DCHS2: variants seen among roughly 807,000 people sequenced by gnomAD.
DCHS2 encodes protocadherin-23.
A neutral mutation model predicts 182.4 loss-of-function variants in DCHS2; 142 were observed. The ratio of observed to expected loss-of-function variants is 0.78; its 90% CI spans 0.68 to 0.89. The LOEUF is 0.89. Among genes scored for constraint, DCHS2 ranks in the 40% least tolerant of loss-of-function variants. DCHS2 has a pLI of 0.00. For missense variants in DCHS2, 4,319 were observed against 4,198.6 expected, an observed-to-expected ratio of 1.03 and a Z score of -0.79; for synonymous variants, 1,740 against 1,663.3, an observed-to-expected ratio of 1.05 and a Z score of -1.12.
intron 3 of DCHS2, among the ~76,000 whole-genome samples, chr4:154,362,293 A>C (rs2110759018): frequency 6.6e-6 from 1 of 152,318 alleles, no homozygotes; most frequent in South Asian, 2.1e-4. Context: ...GGGATAGGCC[A>C]TAGAGTCACT....
intron 1 of DCHS2, among the ~76,000 whole-genome samples, chr4:154,483,039 T>C (rs918286974): frequency 3.9e-5 from 6 of 152,224 alleles, no homozygotes; most frequent in African/African-American, 1.4e-4. Flanking sequence ...AATTCTACTC[T>C]AAGTAGACTC....
chr4:154,328,926 C>T (rs1449258487), intron 6 of DCHS2, among the ~76,000 whole-genome samples: 1 of 151,968 alleles, frequency 6.6e-6, no homozygotes, highest in Non-Finnish European at 1.5e-5. Flanking sequence ...ATAACCCATC[C>T]ACTAAAAAAA....
intron 13 of DCHS2, among the ~76,000 whole-genome samples, chr4:154,296,944 C>T (rs1345711425): frequency 2.0e-5 from 3 of 152,124 alleles, no homozygotes; most frequent in African/African-American, 7.2e-5. Context: ...AAGGCTATTC[C>T]AACACTGGTA....
intron 15 of DCHS2, 67 bp from the exon 16 acceptor site, chr4:154,255,737 G>A: frequency 1.3e-6 from 2 of 1,487,708 alleles, no homozygotes; most frequent in Non-Finnish European, 1.8e-6. Context: ...CTGTTTTTCA[G>A]AGACATGCAT....
At chr4:154,311,991 T>C (rs1438956893) in intron 10 of DCHS2, among the ~76,000 whole-genome samples, 3 of 151,780 alleles carry the variant, frequency 2.0e-5, no homozygotes, top group Admixed American at 2.0e-4. Context: ...GCAAATATAT[T>C]TATAATAGAA....
At chr4:154,376,220 T>A (rs1238263138) in intron 2 of DCHS2, among the ~76,000 whole-genome samples, 1 of 152,084 alleles carries the variant, frequency 6.6e-6, no homozygotes, top group Non-Finnish European at 1.5e-5. Context: ...TTTGTGCATT[T>A]CTCTGTATGC....
intron 1 of DCHS2, among the ~76,000 whole-genome samples, chr4:154,457,335 C>T (rs1461318199): frequency 1.3e-5 from 2 of 152,136 alleles, no homozygotes; most frequent in Non-Finnish European, 2.9e-5. Flanking sequence ...TTTTCTAAAT[C>T]CATCAAGTCG....
intron 1 of DCHS2, among the ~76,000 whole-genome samples, chr4:154,415,880 G>A (rs1016577703): frequency 1.3e-5 from 2 of 151,688 alleles, no homozygotes; most frequent in Non-Finnish European, 2.9e-5. Flanking sequence ...ACTTAAATAA[G>A]TTTTTTACCT....
rs1212456554 is a variant in DCHS2 at position 154,232,132 on chromosome 4, T to G, written c.*2404A>C. ...AAGTTCTGTACCCCCTCCAGAGTGC[T>G]AAAGCCAGTGCATAGATCAGCAAAG... On this transcript the variant is annotated 3_prime_UTR_variant, in exon 20 of 20. Coordinates refer to ENST00000357232, the MANE Select transcript of DCHS2 (RefSeq NM_001358235.2). 1 of 152,160 alleles carries G rather than the reference T, an allele frequency of 6.6e-6. No homozygotes were observed. The highest frequency in any genetic ancestry group is 1.9e-4 in the East Asian group (1 of 5,200). The allele number at this position is 152,160 out of a possible 1,614,324, so 9.4% of individuals were successfully genotyped here. A position where few individuals can be genotyped will look rare whatever the true frequency, so the allele number is the denominator to read the frequency against.
intron 12 of DCHS2, among the ~76,000 whole-genome samples, chr4:154,304,085 C>T (rs1735331251): frequency 6.6e-6 from 1 of 150,710 alleles, no homozygotes; most frequent in South Asian, 2.1e-4. Context: ...TATCCTTTAA[C>T]GGGACCTAGA....
At chr4:154,461,032 G>A (rs1257395450) in intron 1 of DCHS2, among the ~76,000 whole-genome samples, 1 of 152,138 alleles carries the variant, frequency 6.6e-6, no homozygotes. Flanking sequence ...CCAGTGAGCA[G>A]AGGAATAACA....
At chr4:154,397,814 G>A (rs775305885) in intron 1 of DCHS2, among the ~76,000 whole-genome samples, 1 of 152,162 alleles carries the variant, frequency 6.6e-6, no homozygotes, top group African/African-American at 2.4e-5. Flanking sequence ...TTCTCAAAAT[G>A]AGGAGATGAG....
chr4:154,366,214 G>T lies in DCHS2; in HGVS notation c.2472C>A (p.Thr824=), dbSNP rs1174365946. Residue 824 remains threonine (T), a synonymous_variant, in exon 3 of 20, where the codon ACC becomes ACA. Coordinates refer to ENST00000357232, the MANE Select transcript of DCHS2 (RefSeq NM_001358235.2). ...AACTGTTCCAAGATCACATACCTGTGGTGGAGTCAATGGTAAAAAGGGACG... is the reference window on the plus strand; with the variant it reads ...AACTGTTCCAAGATCACATACCTGTTGTGGAGTCAATGGTAAAAAGGGACG... ...NVSSLFTIDS[T]TGIIYLTLPL... is the part of the protein sequence containing the mutation. 6.2e-7 allele frequency: 1 copy of T among 1,610,450 alleles called. No homozygotes were observed. The highest frequency in any genetic ancestry group is 8.5e-7 in the Non-Finnish European group (1 of 1,177,134).
At chr4:154,380,035 G>A (rs1016243816) in intron 1 of DCHS2, among the ~76,000 whole-genome samples, 45 of 152,082 alleles carry the variant, frequency 3.0e-4, no homozygotes, top group African/African-American at 1.1e-3. Context: ...CTGCTGCAAT[G>A]TATTATATAA....
chr4:154,375,267 AT>A (rs1446999839), intron 2 of DCHS2, among the ~76,000 whole-genome samples: 2 of 152,132 alleles, frequency 1.3e-5, no homozygotes, highest in Non-Finnish European at 2.9e-5. Flanking sequence ...ATAAGCAAAT[AT>A]TTCTTAAAAG....
chr4:154,458,533 G>A (rs1291117090), intron 1 of DCHS2, among the ~76,000 whole-genome samples: 1 of 145,332 alleles, frequency 6.9e-6, no homozygotes, highest in Non-Finnish European at 1.5e-5. Context: ...GGGAATGATT[G>A]TCTGGCCAAG....
At chr4:154,259,406 C>T (rs2111169004) in intron 15 of DCHS2, 139 bp downstream of exon 15, 1 of 1,419,068 alleles carries the variant, frequency 7.0e-7, no homozygotes, top group South Asian at 1.6e-5. Flanking sequence ...ATAAAATGTA[C>T]ATGGCCTGGA....
chr4:154,393,157 T>A (rs1292668163), intron 1 of DCHS2, among the ~76,000 whole-genome samples: 2 of 152,210 alleles, frequency 1.3e-5, no homozygotes, highest in Non-Finnish European at 2.9e-5. Context: ...CATACAGCTA[T>A]ATGATTAATA....
At chr4:154,462,145 T>C (rs1421866775) in intron 1 of DCHS2, among the ~76,000 whole-genome samples, 1 of 152,238 alleles carries the variant, frequency 6.6e-6, no homozygotes, top group Non-Finnish European at 1.5e-5. Context: ...AGAATTTTTA[T>C]CCCCTTAACA....
Sources: allele counts gnomAD v4.1 joint callset (sites outside exome capture counted in the v4.1 genomes callset), GRCh38; gene constraint gnomAD v4.1.1; transcripts MANE v1.5; gene names NCBI Gene and HGNC (gene_info 2026-07-23, HGNC 2026-07-21).